The following UMAD1 variants were observed in gnomAD, a reference collection of about 807,000 sequenced individuals.
UMAD1 encodes UBAP1-MVB12-associated (UMA)-domain containing protein 1.
Under a neutral mutation model 6.1 loss-of-function variants are expected in UMAD1, and 8 were observed. The ratio of observed to expected loss-of-function variants is 1.30; its 90% CI spans 0.76 to 2.35. UMAD1 has a LOEUF of 2.35. Ranked by LOEUF, UMAD1 falls within the 30% of genes most tolerant of loss-of-function variation. The probability of loss-of-function intolerance (pLI) is 0.00; values close to 1 mark genes in which losing one functional copy is unlikely to be tolerated. For synonymous variants in UMAD1, 56 were observed against 31.4 expected (o/e 1.78, Z -2.61); for missense variants, 130 against 78.4 (o/e 1.66, Z -2.49).
At chr7:7,692,376 A>T (rs1156466371) in intron 2 of UMAD1, 1 of 152,202 alleles carries the variant, frequency 6.6e-6, no homozygotes, top group East Asian at 1.9e-4. Context: ...GAGGAGAAAG[A>T]CATTCCAAGA....
At chr7:7,708,661 C>T (rs998831999) in intron 2 of UMAD1, among the ~76,000 whole-genome samples, 2 of 152,176 alleles carry the variant, frequency 1.3e-5, no homozygotes, top group Non-Finnish European at 2.9e-5. Context: ...ATATACTTTT[C>T]CTACTACTTC....
In UMAD1 at chr7:7,847,126, T is replaced by A. The variant is rs1470231432; in HGVS notation, c.157-30155T>A. On this transcript the variant is annotated intron_variant, in intron 3 of 3. Coordinates refer to ENST00000682710, the MANE Select transcript of UMAD1 (RefSeq NM_001302348.2). ...AAAAATATATATATATATATATATATATATATATATATATATATATATATA... is the reference window on the plus strand; with the variant it reads ...AAAAATATATATATATATATATATAAATATATATATATATATATATATATA... 1.2e-3 allele frequency among the ~76,000 whole-genome samples: 36 copies of A among 31,166 alleles called. 7 individuals carry two copies. Among genetic ancestry groups the A allele is most frequent in the African/African-American group, 4.0e-3 (36 of 9,038 alleles). 20.4% of individuals were successfully genotyped at this position (31,166 alleles called of 152,430 possible).
intron 2 of UMAD1, among the ~76,000 whole-genome samples, chr7:7,772,791 A>G (rs765967180): frequency 2.6e-4 from 40 of 152,354 alleles, no homozygotes; most frequent in Non-Finnish European, 4.7e-4. Context: ...ATGGTAGGGT[A>G]CAGTTTGTTT....
chr7:7,826,587 C>T (rs1264485283), intron 3 of UMAD1, among the ~76,000 whole-genome samples: 2 of 152,112 alleles, frequency 1.3e-5, no homozygotes, highest in African/African-American at 4.8e-5. Flanking sequence ...CTGGTCTACC[C>T]ATGCTGTTTA....
chr7:7,785,161 G>C (rs1782437465), intron 2 of UMAD1, among the ~76,000 whole-genome samples: 4 of 152,206 alleles, frequency 2.6e-5, no homozygotes, highest in Admixed American at 1.3e-4. Context: ...TTTTGTATAA[G>C]AAGTGAATCT....
chr7:7,801,631 G>A, intron 2 of UMAD1, 39 bp from the exon 3 acceptor site: 1 of 710,394 alleles, frequency 1.4e-6, no homozygotes, highest in Non-Finnish European at 2.6e-6. Context: ...TCAGTAATAT[G>A]GTCAAGTTTT....
At chr7:7,733,414 C>G (rs1781293567) in intron 2 of UMAD1, among the ~76,000 whole-genome samples, 1 of 151,804 alleles carries the variant, frequency 6.6e-6, no homozygotes, top group South Asian at 2.1e-4. Context: ...AAAGCAAGGC[C>G]AAACAATCTA....
chr7:7,824,061 G>C (rs1444814548), intron 3 of UMAD1, among the ~76,000 whole-genome samples: 1 of 152,090 alleles, frequency 6.6e-6, no homozygotes, highest in African/African-American at 2.4e-5. Flanking sequence ...ATTACCATCA[G>C]CTGAATGATT....
At chr7:7,865,273 A>G (rs1017004167) in intron 3 of UMAD1, among the ~76,000 whole-genome samples, 4 of 152,088 alleles carry the variant, frequency 2.6e-5, no homozygotes, top group African/African-American at 9.7e-5. Flanking sequence ...TGATCCCTGA[A>G]CCTGTGGGGT....
intron 3 of UMAD1, among the ~76,000 whole-genome samples, chr7:7,813,576 A>C (rs1783066698): frequency 6.8e-6 from 1 of 146,296 alleles, no homozygotes; most frequent in Non-Finnish European, 1.5e-5. Flanking sequence ...GAGCACAGTG[A>C]TAGTGTACTG....
At chr7:7,815,119 T>A (rs1176261478) in intron 3 of UMAD1, among the ~76,000 whole-genome samples, 3 of 152,152 alleles carry the variant, frequency 2.0e-5, no homozygotes, top group Non-Finnish European at 4.4e-5. Flanking sequence ...AGAGAAAGAT[T>A]GTCTCGGGAG....
At position 7,709,832 on chromosome 7, in the gene UMAD1, ACCTGTGT is replaced by A. The variant is rs1206452497; in HGVS notation, c.82+36380_82+36386del. Among the ~76,000 whole-genome samples the A allele has an allele frequency of 6.6e-5, 10 of 152,174 alleles. 1 individual carries two copies. Among genetic ancestry groups the A allele is most frequent in the African/African-American group, 2.4e-4 (10 of 41,506 alleles). ...TATTCAGAATGACAATGTGATGAAC[ACCTGTGT>A]ACCCACCAATTGGTTTAAGAAATAT... On this transcript the variant is annotated intron_variant, in intron 2 of 3. Transcript: ENST00000682710.
At chr7:7,684,294 C>T (rs1286382479) in intron 2 of UMAD1, among the ~76,000 whole-genome samples, 6 of 152,126 alleles carry the variant, frequency 3.9e-5, no homozygotes, top group East Asian at 3.9e-4. Context: ...CTCTGCCTCC[C>T]GCGTTCAAGC....
At chr7:7,821,711 C>T (rs868703984) in intron 3 of UMAD1, among the ~76,000 whole-genome samples, 6 of 152,112 alleles carry the variant, frequency 3.9e-5, no homozygotes, top group Non-Finnish European at 5.9e-5. Context: ...TCGATAGATA[C>T]GGAAGGCTAA....
At chr7:7,726,409 C>A (rs1459299639) in intron 2 of UMAD1, among the ~76,000 whole-genome samples, 1 of 152,212 alleles carries the variant, frequency 6.6e-6, no homozygotes. Flanking sequence ...CCTGAAGTAG[C>A]TGGATTGATA....
intron 2 of UMAD1, among the ~76,000 whole-genome samples, chr7:7,753,274 G>C (rs1015318673): frequency 6.6e-6 from 1 of 151,964 alleles, no homozygotes; most frequent in African/African-American, 2.4e-5. Flanking sequence ...TTTGTGTTAC[G>C]AACAATTCAA....
intron 3 of UMAD1, among the ~76,000 whole-genome samples, chr7:7,821,560 T>G (rs1783241906): frequency 6.6e-6 from 1 of 152,188 alleles, no homozygotes; most frequent in African/African-American, 2.4e-5. Flanking sequence ...TAAAAGCTTA[T>G]ATGATTTGGT....
chr7:7,708,172 T>G (rs1042564944), intron 2 of UMAD1, among the ~76,000 whole-genome samples: 2 of 152,188 alleles, frequency 1.3e-5, no homozygotes, highest in Admixed American at 6.5e-5. Flanking sequence ...AAATAGCAAT[T>G]ACATATTCAA....
chr7:7,644,727 C>A (rs968921830), intron 1 of UMAD1, among the ~76,000 whole-genome samples: 6 of 152,096 alleles, frequency 3.9e-5, no homozygotes, highest in African/African-American at 1.4e-4. Flanking sequence ...GAACCACTAC[C>A]TATTTTCTTT....
Sources: allele counts gnomAD v4.1 joint callset (sites outside exome capture counted in the v4.1 genomes callset), GRCh38; gene constraint gnomAD v4.1.1; transcripts MANE v1.5; gene names NCBI Gene and HGNC (gene_info 2026-07-23, HGNC 2026-07-21).